The following ASIC2 variants were observed in gnomAD, a reference collection of about 807,000 sequenced individuals.
ASIC2 encodes acid-sensing ion channel 2.
Under a neutral mutation model 57.3 loss-of-function variants are expected in ASIC2, and 25 were observed. The observed-to-expected ratio is 0.44, with a 90% CI of 0.32 to 0.61. The LOEUF is 0.61. Among genes scored for constraint, ASIC2 ranks in the 20% least tolerant of loss-of-function variants. The probability of loss-of-function intolerance (pLI) is 0.06; values close to 1 mark genes in which losing one functional copy is unlikely to be tolerated. For missense variants in ASIC2, 641 were observed against 738.1 expected, an observed-to-expected ratio of 0.87 and a Z score of 1.52; for synonymous variants, 319 against 307.5, an observed-to-expected ratio of 1.04 and a Z score of -0.39.
chr17:33,413,888 G>C (rs1910746733), intron 1 of ASIC2, among the ~76,000 whole-genome samples: 1 of 152,152 alleles, frequency 6.6e-6, no homozygotes, highest in South Asian at 2.1e-4. Flanking sequence ...TTGATTCTTA[G>C]GTTTCTCCCT....
intron 1 of ASIC2, among the ~76,000 whole-genome samples, chr17:33,497,808 C>G (rs1031240861): frequency 6.6e-6 from 1 of 152,178 alleles, no homozygotes; most frequent in Non-Finnish European, 1.5e-5. Context: ...TAAGGCCACA[C>G]AGCTAGTCAG....
intron 1 of ASIC2, among the ~76,000 whole-genome samples, chr17:33,191,418 TTCACAGGTATATGTATTTG>T (rs991908407): frequency 5.9e-5 from 9 of 152,082 alleles, no homozygotes; most frequent in Non-Finnish European, 1.0e-4. Flanking sequence ...TGTTGATGGG[TTCACAGGTATATGTATTTG>T]TCACAACTCA....
At chr17:33,551,136 C>T (rs1915738938) in intron 1 of ASIC2, among the ~76,000 whole-genome samples, 1 of 152,220 alleles carries the variant, frequency 6.6e-6, no homozygotes, top group African/African-American at 2.4e-5. Context: ...TGCAAACCTA[C>T]TACACAAAAT....
At chr17:33,221,354 A>G (rs73982468) in intron 1 of ASIC2, among the ~76,000 whole-genome samples, 3,106 of 152,348 alleles carry the variant, frequency 0.02, 117 homozygotes, top group African/African-American at 0.068. Flanking sequence ...TTTCAGAAAC[A>G]ATGGTATAAA....
intron 1 of ASIC2, among the ~76,000 whole-genome samples, chr17:33,569,835 T>C (rs543242538): frequency 8.1e-4 from 124 of 152,368 alleles, no homozygotes; most frequent in Non-Finnish European, 1.4e-3. Context: ...CCTGACTGGC[T>C]GTCATGTGTC....
intron 1 of ASIC2, among the ~76,000 whole-genome samples, chr17:33,636,211 G>T (rs1479591787): frequency 6.6e-6 from 1 of 152,148 alleles, no homozygotes; most frequent in South Asian, 2.1e-4. Context: ...ACAGGGAAAG[G>T]TGTCAAAATA....
chr17:33,498,354 CAG>C (rs1373005751), intron 1 of ASIC2, among the ~76,000 whole-genome samples: 2 of 152,324 alleles, frequency 1.3e-5, no homozygotes, highest in East Asian at 3.9e-4. Flanking sequence ...CAGAACAAGA[CAG>C]GGAGTCAGGC....
At chr17:33,902,085 A>G (rs901873976) in intron 1 of ASIC2, among the ~76,000 whole-genome samples, 56 of 152,256 alleles carry the variant, frequency 3.7e-4, no homozygotes, top group African/African-American at 1.3e-3. Flanking sequence ...ATGCGCTTGT[A>G]TGAGACCTAA....
At chr17:33,118,519 C>T (rs1321071847) in intron 1 of ASIC2, among the ~76,000 whole-genome samples, 3 of 152,162 alleles carry the variant, frequency 2.0e-5, no homozygotes, top group Non-Finnish European at 1.5e-5. Flanking sequence ...TACCCCTCTC[C>T]CAGCCTACTT....
chr17:33,385,214 C>G (rs1241743207), intron 1 of ASIC2, among the ~76,000 whole-genome samples: 1 of 152,210 alleles, frequency 6.6e-6, no homozygotes, highest in Non-Finnish European at 1.5e-5. Flanking sequence ...GAGTATAAGA[C>G]TGAATAGACT....
At chr17:33,665,843 T>A (rs766563061) in intron 1 of ASIC2, among the ~76,000 whole-genome samples, 1 of 152,120 alleles carries the variant, frequency 6.6e-6, no homozygotes, top group Non-Finnish European at 1.5e-5. Context: ...TTCTCCAAAT[T>A]GACTTTTGCT....
rs575005134 is a variant in ASIC2, at chr17:34,039,567, T to A, written c.555+116411A>T. 5.6e-6 allele frequency: 9 copies of A among 1,613,972 alleles called. No individual in the cohort carries two copies. In the African/African-American group the frequency reaches 1.2e-4, roughly 22 times the overall value. On this transcript the variant is annotated intron_variant, in intron 1 of 9. Coordinates refer to the ASIC2 transcript ENST00000359872. ...AGGATCGTGCAACTGGTGGAACACT[T>A]CTGCCAGGGCTGGTTCCCGGCCCGC...
chr17:33,522,693 T>C (rs1173868650), intron 1 of ASIC2, among the ~76,000 whole-genome samples: 1 of 152,240 alleles, frequency 6.6e-6, no homozygotes, highest in Non-Finnish European at 1.5e-5. Context: ...GAATAAGAAT[T>C]CTTGTCTGCC....
Position 34,153,249 on chromosome 17 carries a change from T to A in ASIC2, c.555+2729A>T, listed in dbSNP as rs542022482. On this transcript the variant is annotated intron_variant, in intron 1 of 9. Transcript: ENST00000359872. ...AGAGAAAAGCCATCCCCTTGTGACA[T>A]CCCTTCCCCCATACTTAACTTCTCT... 4.6e-5 allele frequency among the ~76,000 whole-genome samples: 7 copies of A among 152,294 alleles called. 1 individual carries two copies. In the South Asian group the frequency reaches 1.0e-3, roughly 23 times the overall value.
At chr17:33,428,347 A>G (rs1911287919) in intron 1 of ASIC2, among the ~76,000 whole-genome samples, 2 of 152,216 alleles carry the variant, frequency 1.3e-5, no homozygotes, top group African/African-American at 4.8e-5. Flanking sequence ...AGATGACTCT[A>G]ATGTGCATCC....
chr17:33,623,214 C>T (rs917241098), intron 1 of ASIC2, among the ~76,000 whole-genome samples: 1 of 149,948 alleles, frequency 6.7e-6, no homozygotes, highest in African/African-American at 2.5e-5. Context: ...ATCTGCTCAT[C>T]CAGGATACCT....
At chr17:33,068,314 G>A (rs1450890113) in intron 3 of ASIC2, among the ~76,000 whole-genome samples, 1 of 152,126 alleles carries the variant, frequency 6.6e-6, no homozygotes, top group East Asian at 1.9e-4. Context: ...AAGTGATTGT[G>A]CCTGAGGTCA....
chr17:33,177,637 G>T (rs890516752), intron 1 of ASIC2, among the ~76,000 whole-genome samples: 5 of 152,182 alleles, frequency 3.3e-5, no homozygotes, highest in African/African-American at 4.8e-5. Flanking sequence ...CCCGGTATGA[G>T]ATGAGCACAA....
intron 1 of ASIC2, among the ~76,000 whole-genome samples, chr17:33,732,353 T>C (rs866819841): frequency 6.6e-6 from 1 of 152,178 alleles, no homozygotes; most frequent in African/African-American, 2.4e-5. Context: ...GAATATAGAA[T>C]GGTGATCAAA....
Sources: gnomAD v4.1 joint callset for allele counts (sites outside exome capture counted in the v4.1 genomes callset) on GRCh38, gnomAD v4.1.1 for gene constraint, MANE v1.5 for transcripts, NCBI Gene and HGNC (gene_info 2026-07-23, HGNC 2026-07-21) for gene names.